Variants in PTPRD observed in about 807,000 individuals in gnomAD.
PTPRD encodes protein tyrosine phosphatase receptor type D.
A neutral mutation model predicts 214.5 loss-of-function variants in PTPRD; 34 were observed. The ratio of observed to expected loss-of-function variants is 0.16; its 90% CI spans 0.12 to 0.21. The LOEUF is 0.21. PTPRD is among the 10% of genes least tolerant of loss of function. The probability of loss-of-function intolerance (pLI) is 1.00; values close to 1 mark genes in which losing one functional copy is unlikely to be tolerated. For missense variants in PTPRD, 2,545 were observed against 2,398.7 expected, an observed-to-expected ratio of 1.06 and a Z score of -1.27; for synonymous variants, 1,128 against 845.7, an observed-to-expected ratio of 1.33 and a Z score of -5.79.
chr9:10,594,614 A>G (rs2076215160), intron 2 of PTPRD, among the ~76,000 whole-genome samples: 1 of 152,020 alleles, frequency 6.6e-6, no homozygotes, highest in African/African-American at 2.4e-5. Flanking sequence ...TGACAGACTA[A>G]TGAGAACGAA....
chr9:8,709,865 A>G (rs1242581267), intron 12 of PTPRD, among the ~76,000 whole-genome samples: 1 of 152,206 alleles, frequency 6.6e-6, no homozygotes, highest in African/African-American at 2.4e-5. Context: ...TTTAAGTGCA[A>G]TAAAGATGGG....
chr9:10,015,933 CCTCT>C (rs990479469), intron 4 of PTPRD, among the ~76,000 whole-genome samples: 1 of 152,048 alleles, frequency 6.6e-6, no homozygotes, highest in African/African-American at 2.4e-5. Context: ...GTCCCATAAA[CCTCT>C]CTCTCTAATT....
chr9:8,681,870 A>G (rs1462086779), intron 12 of PTPRD, among the ~76,000 whole-genome samples: 2 of 152,108 alleles, frequency 1.3e-5, no homozygotes, highest in Non-Finnish European at 2.9e-5. Context: ...CATAATATCT[A>G]CTGTTTTCAT....
chr9:8,750,905 T>G (rs1275335870), intron 11 of PTPRD, among the ~76,000 whole-genome samples: 1 of 151,284 alleles, frequency 6.6e-6, no homozygotes, highest in Non-Finnish European at 1.5e-5. Context: ...CTCCAGTGGC[T>G]GTGTGCCAAT....
intron 14 of PTPRD, among the ~76,000 whole-genome samples, chr9:8,549,112 A>G (rs2081232024): frequency 6.6e-6 from 1 of 152,170 alleles, no homozygotes. Context: ...TAGTTACTAT[A>G]TTAGTTTAAA....
At chr9:9,049,511 A>G (rs571158504) in intron 10 of PTPRD, among the ~76,000 whole-genome samples, 1 of 152,312 alleles carries the variant, frequency 6.6e-6, no homozygotes, top group African/African-American at 2.4e-5. Flanking sequence ...TGTAGAAAAC[A>G]TGACTATAGA....
intron 9 of PTPRD, among the ~76,000 whole-genome samples, chr9:9,194,900 G>C (rs184630211): frequency 2.0e-5 from 3 of 151,930 alleles, no homozygotes; most frequent in East Asian, 3.9e-4. Flanking sequence ...TCTTTAGTAA[G>C]TCAGTGACAC....
At chr9:10,300,653 T>A (rs1236326518) in intron 3 of PTPRD, among the ~76,000 whole-genome samples, 7 of 151,964 alleles carry the variant, frequency 4.6e-5, no homozygotes, top group Non-Finnish European at 1.5e-5. Flanking sequence ...CACCAGGAAG[T>A]TTGAAATGGG....
chr9:8,356,765 T>G (rs913698988), intron 39 of PTPRD, among the ~76,000 whole-genome samples: 5 of 152,172 alleles, frequency 3.3e-5, no homozygotes, highest in Non-Finnish European at 5.9e-5. Flanking sequence ...TAGAGTATAT[T>G]ACATATAAAC....
intron 8 of PTPRD, among the ~76,000 whole-genome samples, chr9:9,429,462 T>C (rs2082224613): frequency 6.6e-6 from 1 of 152,174 alleles, no homozygotes; most frequent in African/African-American, 2.4e-5. Flanking sequence ...AGCTGAATTC[T>C]ATCAGAGGTA....
rs1404960021 is a variant in PTPRD at position 8,870,716 on chromosome 9, A to ACACACACACACACACACG, written c.-103-136771_-103-136770insCGTGTGTGTGTGTGTGTG. On this transcript the variant is annotated intron_variant, in intron 11 of 45. Coordinates refer to ENST00000381196, the MANE Select transcript of PTPRD (RefSeq NM_002839.4). ...CACACACACACACACACACACACAC[A>ACACACACACACACACACG]CACACACACACACGGGAGTTCAGCA... is the stretch of plus-strand genomic sequence containing the variant. Among the ~76,000 whole-genome samples the ACACACACACACACACACG allele has an allele frequency of 2.6e-5, 4 of 151,578 alleles. No individual in the cohort carries two copies. The East Asian group carries it at 7.8e-4, about 30-fold the overall frequency.
At chr9:9,780,776 C>G (rs1179935905) in intron 5 of PTPRD, among the ~76,000 whole-genome samples, 2 of 152,138 alleles carry the variant, frequency 1.3e-5, no homozygotes, top group East Asian at 3.8e-4. Context: ...AAACTGGAAG[C>G]AACTAAAATA....
chr9:8,726,506 T>A, intron 12 of PTPRD, among the ~76,000 whole-genome samples: 1 of 132,466 alleles, frequency 7.5e-6, no homozygotes, highest in Admixed American at 8.0e-5. Context: ...CTGAGGCAGG[T>A]GGATCCCCTG....
intron 11 of PTPRD, among the ~76,000 whole-genome samples, chr9:8,807,875 G>A (rs1378979763): frequency 1.2e-4 from 18 of 152,064 alleles, no homozygotes; most frequent in East Asian, 3.9e-4. Flanking sequence ...TATGTATGGC[G>A]AGACAAGGCA....
chr9:10,561,622 G>A (rs1182932011), intron 2 of PTPRD, among the ~76,000 whole-genome samples: 1 of 152,044 alleles, frequency 6.6e-6, no homozygotes, highest in Admixed American at 6.6e-5. Flanking sequence ...AAATCTGTGT[G>A]GTGATTCAGT....
At chr9:9,100,932 C>T (rs576107281) in intron 10 of PTPRD, among the ~76,000 whole-genome samples, 6 of 151,902 alleles carry the variant, frequency 3.9e-5, no homozygotes, top group African/African-American at 9.7e-5. Context: ...ATTTATAATG[C>T]GTAAATTGGA....
At chr9:8,693,934 C>A (rs959727222) in intron 12 of PTPRD, among the ~76,000 whole-genome samples, 3 of 152,150 alleles carry the variant, frequency 2.0e-5, no homozygotes, top group African/African-American at 7.2e-5. Context: ...TTGAGAAGCA[C>A]TGAAAGATGC....
At chr9:8,650,003 C>T (rs1596067910) in intron 12 of PTPRD, among the ~76,000 whole-genome samples, 1 of 152,178 alleles carries the variant, frequency 6.6e-6, no homozygotes, top group East Asian at 2.0e-4. Flanking sequence ...CTGCAGCCTC[C>T]ACCTCCTGGG....
At chr9:9,521,836 G>C (rs1307072380) in intron 8 of PTPRD, among the ~76,000 whole-genome samples, 1 of 152,008 alleles carries the variant, frequency 6.6e-6, no homozygotes, top group East Asian at 1.9e-4. Context: ...AGTGTTCTTT[G>C]GGGGCTTATA....
Sources: gnomAD v4.1 joint callset for allele counts (sites outside exome capture counted in the v4.1 genomes callset) on GRCh38, gnomAD v4.1.1 for gene constraint, MANE v1.5 for transcripts, NCBI Gene and HGNC (gene_info 2026-07-23, HGNC 2026-07-21) for gene names.